MKI67: variants seen among roughly 807,000 people sequenced by gnomAD.
MKI67 encodes the protein proliferation marker protein Ki-67.
Under a neutral mutation model 233.5 loss-of-function variants are expected in MKI67, and 152 were observed. The observed-to-expected ratio is 0.65, with a 90% CI of 0.57 to 0.74. The LOEUF is 0.74. MKI67 is among the 30% of genes least tolerant of loss of function. The pLI is 0.00. For missense variants in MKI67, 3,940 were observed against 3,885.2 expected (o/e 1.01, Z -0.37); for synonymous variants, 1,465 against 1,418.5 (o/e 1.03, Z -0.74).
intron 5 of MKI67, among the ~76,000 whole-genome samples, chr10:128,117,232 G>C (rs1334573356): frequency 1.3e-5 from 2 of 152,206 alleles, no homozygotes; most frequent in African/African-American, 4.8e-5. Context: ...CAGAACTACT[G>C]ACTGCGTCAT....
rs1297229482 is a variant in MKI67 at position 128,101,712 on chromosome 10, GA to G, written c.9262-12del. The G allele has an allele frequency of 6.4e-7, 1 of 1,558,512 alleles. No individual in the cohort carries two copies. Among genetic ancestry groups the G allele is most frequent in the African/African-American group, 1.4e-5 (1 of 72,224 alleles). The stretch of plus-strand genomic sequence containing the variant: ...GCGCAGGGATATTCCCTAAAGAAAT[GA>G]GAAGACATCCACAAAATTCCAATAA... On this transcript the variant is annotated splice_polypyrimidine_tract_variant and intron_variant, in intron 13 of 14. Transcript: ENST00000368654.
At chr10:128,100,129 C>A (rs1387025974) in intron 14 of MKI67, among the ~76,000 whole-genome samples, 1 of 152,222 alleles carries the variant, frequency 6.6e-6, no homozygotes, top group Non-Finnish European at 1.5e-5. Flanking sequence ...TTTCTAGGAC[C>A]TTGTCTGGCA....
At position 128,112,421 on chromosome 10, in the gene MKI67, G is replaced by A; in HGVS notation, c.1681C>T (p.Gln561Ter). ...IKEQPQPSGK[Q>*]ESGSEIHVEV... ...ACATGGATTTCTGAACCTGACTCTT[G>A]TTTTCCTGATGGTTGAGGCTGTTCC... The change falls in exon 9 of 15, where the codon CAA becomes TAA. Residue 561 changes from glutamine (Q) to a stop codon, truncating the protein, a stop_gained. Coordinates refer to ENST00000368654, the MANE Select transcript of MKI67 (RefSeq NM_002417.5). LOFTEE classifies it high-confidence loss of function. 2 of 1,614,072 alleles carry A rather than the reference G, an allele frequency of 1.2e-6. No individual in the cohort carries two copies. Among genetic ancestry groups the A allele is most frequent in the Non-Finnish European group, 1.7e-6 (2 of 1,179,960 alleles).
chr10:128,113,507 G>A lies in MKI67; in HGVS notation c.1576C>T (p.Pro526Ser). 1.2e-6 allele frequency: 2 copies of A among 1,614,132 alleles called. No individual in the cohort carries two copies. Among genetic ancestry groups the A allele is most frequent in the South Asian group, 2.2e-5 (2 of 91,080 alleles). ...GTTGGGGCTTCTCCCCTTTTGAGAG[G>A]CGTATTAGGAGGCAAGTTTTCATCA... is the stretch of plus-strand genomic sequence containing the variant. ...LFDENLPPNT[P>S]LKRGEAPTKR... The change falls in exon 8 of 15, where the codon CCT becomes TCT. Residue 526 changes from proline to serine, a missense_variant. Pro to Ser is a moderately conservative substitution (Grantham distance 74, BLOSUM62 -1). Transcript: ENST00000368654.
In MKI67 at chr10:128,107,117, G is replaced by A. The variant is rs1263406318; in HGVS notation, c.4723C>T (p.Leu1575=). 3 of 1,613,768 alleles carry A rather than the reference G, an allele frequency of 1.9e-6. No individual in the cohort carries two copies. The African/African-American group carries it at 4.0e-5, about 22-fold the overall frequency. ...TENLTGSKRR[L]QTPKEKAQAL... ...TGGGCCTTTTCCTTAGGAGTTTGTA[G>A]CCGTCTCTTGCTGCCAGTTAAGTTC... Residue 1575 remains leucine (L), a synonymous_variant, in exon 13 of 15, where the codon CTA becomes TTA. Coordinates refer to ENST00000368654, the MANE Select transcript of MKI67 (RefSeq NM_002417.5).
chr10:128,101,522 G>T lies in MKI67; in HGVS notation c.9441C>A (p.Asp3147Glu). The T allele has an allele frequency of 3.7e-6, 6 of 1,614,196 alleles. No homozygotes were observed. The highest frequency in any genetic ancestry group is 5.1e-6 in the Non-Finnish European group (6 of 1,180,044). Residue 3147 changes from aspartate (D) to glutamate (E), a missense_variant, in exon 14 of 15, where the codon GAC becomes GAA. By Grantham distance (45) the Asp-to-Glu change is conservative. Coordinates refer to ENST00000368654, the MANE Select transcript of MKI67 (RefSeq NM_002417.5). The stretch of plus-strand genomic sequence containing the variant: ...AGCACCTTTTGTTCTCAGTGACTTT[G>T]TCTCTAGGTATGGGTTTCCGGGCTC... ...DDGARKPIPR[D>E]KVTENKRCLR... is the part of the protein sequence containing the mutation.
chr10:128,124,811 C>T (rs1253076379), intron 2 of MKI67, among the ~76,000 whole-genome samples: 1 of 152,168 alleles, frequency 6.6e-6, no homozygotes, highest in Non-Finnish European at 1.5e-5. Context: ...GGAGAACTTT[C>T]CCATTGTAAA....
chr10:128,108,210 C>G lies in MKI67; in HGVS notation c.3630G>C (p.Gln1210His). Residue 1210 changes from glutamine (Q) to histidine (H), a missense_variant, in exon 13 of 15, where the codon CAG (glutamine) becomes CAC (histidine). Coordinates refer to ENST00000368654, the MANE Select transcript of MKI67 (RefSeq NM_002417.5). Reference sequence around the variant, plus strand: ...GGGCCTTTTCCTTAGGAGTCTGTAGCTGTCTTTTGCTGCCAGGTAAAGTTC... The same window carrying G: ...GGGCCTTTTCCTTAGGAGTCTGTAGGTGTCTTTTGCTGCCAGGTAAAGTTC... ...LAGTLPGSKR[Q>H]LQTPKEKAQA... The G allele has an allele frequency of 6.2e-7, 1 of 1,613,356 alleles. No homozygotes were observed. Among genetic ancestry groups the G allele is most frequent in the Non-Finnish European group, 8.5e-7 (1 of 1,179,882 alleles).
rs1015976273 is a variant in MKI67 at position 128,107,738 on chromosome 10, T to G, written c.4102A>C (p.Thr1368Pro). ...HTEEAVAAGK[T>P]TKMPCESSPP... ...GAAGATTCGCAGGGCATTTTAGTAG[T>G]TTTGCCAGCAGCCACTGCTTCTTCA... Residue 1368 changes from threonine to proline, a missense_variant, in exon 13 of 15, where the codon ACT becomes CCT. By Grantham distance (38) the Thr-to-Pro change is conservative. Transcript: ENST00000368654. 1 of 1,613,574 alleles carries G rather than the reference T, an allele frequency of 6.2e-7. No individual in the cohort carries two copies. Among genetic ancestry groups the G allele is most frequent in the Non-Finnish European group, 8.5e-7 (1 of 1,179,970 alleles).
chr10:128,107,378 T>C lies in MKI67; in HGVS notation c.4462A>G (p.Lys1488Glu). The C allele has an allele frequency of 6.2e-7, 1 of 1,613,540 alleles. No individual in the cohort carries two copies. The highest frequency in any genetic ancestry group is 8.5e-7 in the Non-Finnish European group (1 of 1,179,908). Residue 1488 changes from lysine to glutamate, a missense_variant, in exon 13 of 15, where the codon AAA becomes GAA. Transcript: ENST00000368654. ...GATCTGCAGGCTATTTTGGTAGTTT[T>C]CTCGTGAGTCGTGGGCTTGTCAGTG... ...VCTDKPTTHE[K>E]TTKIACRSQP...
chr10:128,102,625 G>C lies in MKI67; in HGVS notation c.9215C>G (p.Thr3072Ser), dbSNP rs557029945. 21 of 1,614,158 alleles carry C rather than the reference G, an allele frequency of 1.3e-5. No homozygotes were observed. The highest frequency in any genetic ancestry group is 1.8e-5 in the Non-Finnish European group (21 of 1,180,016). Residue 3072 changes from threonine to serine, a missense_variant, in exon 13 of 15, where the codon ACC (threonine) becomes AGC (serine). By Grantham distance (58) the Thr-to-Ser change is moderately conservative. Coordinates refer to ENST00000368654, the MANE Select transcript of MKI67 (RefSeq NM_002417.5). ...TTGTAATTTGTGTTCCTCTTTGTTG[G>C]TTTTCATGTCGTTGCTGTTCAGCTC... ...AEELNSNDMKTNKEEHKLQDS... is the reference protein window; with the variant it reads ...AEELNSNDMKSNKEEHKLQDS...
chr10:128,125,726 G>T lies in MKI67; in HGVS notation c.-59C>A. 1 of 1,394,096 alleles carries T rather than the reference G, an allele frequency of 7.2e-7. No individual in the cohort carries two copies. The highest frequency in any genetic ancestry group is 1.0e-6 in the Non-Finnish European group (1 of 980,216). 86.4% of individuals were successfully genotyped at this position (1,394,096 alleles called of 1,614,324 possible). On this transcript the variant is annotated 5_prime_UTR_variant, in exon 2 of 15. Coordinates refer to ENST00000368654, the MANE Select transcript of MKI67 (RefSeq NM_002417.5). This position sits in a 1 kb window ranked among gnomAD's most constrained non-coding sequence, Gnocchi z 5.3. Reference sequence around the variant, plus strand: ...GGAAGGCCAGGTATAATCCGTAGGGGAAGGCCAGAAGCAAATTTACAACTC... The same window carrying T: ...GGAAGGCCAGGTATAATCCGTAGGGTAAGGCCAGAAGCAAATTTACAACTC...
At chr10:128,102,460 A>T (rs1264108956) in intron 13 of MKI67, 119 bp downstream of exon 13, 1 of 1,288,122 alleles carries the variant, frequency 7.8e-7, no homozygotes, top group Non-Finnish European at 1.1e-6. Context: ...TTCAGTGTTA[A>T]AGGAAACCCT....
At chr10:128,109,455 C>A (rs1376941454) in intron 12 of MKI67, 32 bp from the exon 13 acceptor site, 12 of 1,576,188 alleles carry the variant, frequency 7.6e-6, no homozygotes, top group Non-Finnish European at 1.0e-5. Flanking sequence ...TAAAAACATT[C>A]TATTAGTGTC....
rs1852702216 is a variant in MKI67 at position 128,112,443 on chromosome 10, T to C, written c.1659A>G (p.Glu553=). 1.2e-6 allele frequency: 2 copies of C among 1,612,998 alleles called. No homozygotes were observed. The highest frequency in any genetic ancestry group is 2.7e-5 in the African/African-American group (2 of 74,972). ...CTTGTTTTCCTGATGGTTGAGGCTG[T>C]TCCTGACAAGACAAAATTGTTTACA... ...TPPVLKKIIK[E]QPQPSGKQES... The change falls in exon 9 of 15, where the codon GAA becomes GAG. Residue 553 remains glutamate, a splice_region_variant and synonymous_variant. Coordinates refer to ENST00000368654, the MANE Select transcript of MKI67 (RefSeq NM_002417.5).
chr10:128,116,526 C>T lies in MKI67; in HGVS notation c.365G>A (p.Arg122His), dbSNP rs759904914. ...PRKIREQEPA[R>H]RVSRSSFSSD... ...AGAGAAGCTAGATCTTGAGACACGA[C>T]GTGCTGGCTCCTGTAAGTTGGGAAA... The change falls in exon 6 of 15, where the codon CGT becomes CAT. Residue 122 changes from arginine to histidine, a missense_variant. Arg to His is a conservative substitution (Grantham distance 29, BLOSUM62 0). Transcript: ENST00000368654. 69 of 1,613,902 alleles carry T rather than the reference C, an allele frequency of 4.3e-5. No individual in the cohort carries two copies. In the Middle Eastern group the frequency reaches 4.9e-4, roughly 12 times the overall value.
rs184346946 is a variant in MKI67, at chr10:128,117,964, G to A, written c.354+1289C>T. The stretch of plus-strand genomic sequence containing the variant: ...AACCCACAGTTCAACTGGCTTTTTG[G>A]TTTATTTACTCCCATAGACTAGCAA... On this transcript the variant is annotated intron_variant, in intron 5 of 14. Coordinates refer to ENST00000368654, the MANE Select transcript of MKI67 (RefSeq NM_002417.5). 9.2e-5 allele frequency among the ~76,000 whole-genome samples: 14 copies of A among 152,268 alleles called. No individual in the cohort carries two copies. In the East Asian group the frequency reaches 1.5e-3, roughly 17 times the overall value.
At position 128,106,272 on chromosome 10, in the gene MKI67, T is replaced by A; in HGVS notation, c.5568A>T (p.Lys1856Asn). Residue 1856 changes from lysine (K) to asparagine (N), a missense_variant, in exon 13 of 15, where the codon AAA becomes AAT. Coordinates refer to ENST00000368654, the MANE Select transcript of MKI67 (RefSeq NM_002417.5). Reference protein sequence around the residue: ...NPTTDEKTTKKILCKSPQSDP... With the variant: ...NPTTDEKTTKNILCKSPQSDP... ...CTGATTGCGGAGATTTGCAGAGTAT[T>A]TTTTTGGTAGTTTTCTCATCAGTCG... The A allele has an allele frequency of 6.2e-7, 1 of 1,613,874 alleles. No homozygotes were observed. Among genetic ancestry groups the A allele is most frequent in the Non-Finnish European group, 8.5e-7 (1 of 1,179,954 alleles).
chr10:128,118,909 A>G (rs968984816), intron 5 of MKI67, among the ~76,000 whole-genome samples: 5 of 152,226 alleles, frequency 3.3e-5, no homozygotes, highest in African/African-American at 1.2e-4. Context: ...ACTGGGCGAC[A>G]AAATGAGCCA....
Sources: gnomAD v4.1 joint callset for allele counts (sites outside exome capture counted in the v4.1 genomes callset) on GRCh38, gnomAD v4.1.1 for gene constraint, Gnocchi (gnomAD v3.1) non-coding constraint, MANE v1.5 for transcripts, NCBI Gene and HGNC (gene_info 2026-07-23, HGNC 2026-07-21) for gene names.